Variants in CP observed in about 807,000 individuals in gnomAD.
CP encodes the protein ceruloplasmin.
Under a neutral mutation model 122.4 loss-of-function variants are expected in CP, and 64 were observed. The ratio of observed to expected loss-of-function variants is 0.52; its 90% confidence interval spans 0.43 to 0.64. CP has a LOEUF of 0.64. CP is among the 30% of genes least tolerant of loss of function. The probability of loss-of-function intolerance (pLI) is 0.00; values close to 1 mark genes in which losing one functional copy is unlikely to be tolerated. For missense variants in CP, 1,167 were observed against 1,284.4 expected (o/e 0.91, Z 1.40); for synonymous variants, 440 against 436.4 (o/e 1.01, Z -0.10).
rs766376910 is a variant in CP at position 149,199,802 on chromosome 3, A to G, written c.1411T>C (p.Tyr471His). Reference protein sequence around the residue: ...IRVTFHNKGAYPLSIEPIGVR... With the variant: ...IRVTFHNKGAHPLSIEPIGVR... ...CCAATCGGCTCAATACTGAGGGGAT[A>G]TGCTCCTTTGTTATGGAAGGTTACT... Residue 471 changes from tyrosine (Y) to histidine (H), a missense_variant, in exon 8 of 19, where the codon TAT (tyrosine) becomes CAT (histidine). Physicochemically the swap from Tyr to His is moderately conservative, Grantham distance 83. Around this residue, in one of 2 missense-constraint regions of CP, gnomAD observed 642 missense variants for 627.3 expected, o/e 1.02. Coordinates refer to ENST00000264613, the MANE Select transcript of CP (RefSeq NM_000096.4). 6.2e-6 allele frequency: 10 copies of G among 1,613,990 alleles called. No individual in the cohort carries two copies. The highest frequency in any genetic ancestry group is 6.8e-6 in the Non-Finnish European group (8 of 1,179,960).
rs9857073 is a variant in CP, at chr3:149,191,167, T to C, written c.1714-2965A>G. Among the ~76,000 whole-genome samples the C allele has an allele frequency of 4.6e-3, 708 of 152,280 alleles. 5 individuals are homozygous for C. Among genetic ancestry groups the C allele is most frequent in the Non-Finnish European group, 7.5e-3 (507 of 68,010 alleles). ...TCAGATCTTTGCAAGGCTGCCTTTT[T>C]GAAATTTAGGTATCACATTAAATAT... On this transcript the variant is annotated intron_variant, in intron 9 of 18. Transcript: ENST00000264613.
chr3:149,167,212 C>T, intron 4 of CP: 1 of 1,613,486 alleles, frequency 6.2e-7, no homozygotes, highest in Non-Finnish European at 8.5e-7. Flanking sequence ...ATTCCATATG[C>T]TAATCATGAA....
At chr3:149,216,808 G>T (rs1728485715) in intron 1 of CP, among the ~76,000 whole-genome samples, 1 of 151,958 alleles carries the variant, frequency 6.6e-6, no homozygotes, top group Non-Finnish European at 1.5e-5. Flanking sequence ...ATGGAATTTG[G>T]TCAGTGTGAA....
At chr3:149,168,588 A>G (rs891705262), downstream of CP, 1 of 152,318 alleles carries the variant, frequency 6.6e-6, no homozygotes, top group African/African-American at 2.4e-5. Flanking sequence ...AGAAATTGAC[A>G]GTGTTGAAAT....
At chr3:149,219,592 C>A (rs1392704294) in intron 1 of CP, among the ~76,000 whole-genome samples, 1 of 152,128 alleles carries the variant, frequency 6.6e-6, no homozygotes, top group Non-Finnish European at 1.5e-5. Flanking sequence ...GTGAGGCCTT[C>A]CCAGCCATGT....
In CP at chr3:149,206,160, T is replaced by G; in HGVS notation, c.1208+8A>C. ...ATTTTGAAATAGTACTCTTTTTTTGTAAATTACCTTCCAGGTGCTGTTAAG... is the reference window on the plus strand; with the variant it reads ...ATTTTGAAATAGTACTCTTTTTTTGGAAATTACCTTCCAGGTGCTGTTAAG... On this transcript the variant is annotated splice_region_variant and intron_variant, in intron 6 of 18. Transcript: ENST00000264613. 4.3e-6 allele frequency: 7 copies of G among 1,613,232 alleles called. No homozygotes were observed. The highest frequency in any genetic ancestry group is 5.9e-6 in the Non-Finnish European group (7 of 1,179,290).
intron 3 of CP, among the ~76,000 whole-genome samples, chr3:149,209,859 G>C (rs1480075744): frequency 2.0e-5 from 3 of 152,130 alleles, no homozygotes; most frequent in Non-Finnish European, 4.4e-5. Context: ...CCTTTTGGTA[G>C]TCACATTTGG....
chr3:149,167,145 T>C, intron 4 of CP: 2 of 1,613,928 alleles, frequency 1.2e-6, no homozygotes, highest in South Asian at 1.1e-5. Flanking sequence ...TCGTACACGC[T>C]TGAAAGAGTA....
chr3:149,199,454 A>G (rs1280167039), intron 8 of CP, among the ~76,000 whole-genome samples: 1 of 152,246 alleles, frequency 6.6e-6, no homozygotes, highest in East Asian at 1.9e-4. Flanking sequence ...AAGGTACTCC[A>G]GAAATGTATA....
chr3:149,206,371 T>A, intron 5 of CP, 32 bp from the exon 6 acceptor site: 1 of 1,612,592 alleles, frequency 6.2e-7, no homozygotes. Flanking sequence ...CATTGATTAA[T>A]GAAGACAATG....
At position 149,209,288 on chromosome 3, in the gene CP, T is replaced by C. The variant is rs1336508383; in HGVS notation, c.704A>G (p.Asn235Ser). ...TGGTTCTGAGCAGTAGGTTTTAATG[T>C]TGTCTTCTAGGTACCAGCTGAAATT... ...DENFSWYLEDNIKTYCSEPEK... is the reference protein window; with the variant it reads ...DENFSWYLEDSIKTYCSEPEK... Residue 235 changes from asparagine (N) to serine (S), a missense_variant, in exon 4 of 19, where the codon AAC (asparagine) becomes AGC (serine). Physicochemically the swap from Asn to Ser is conservative, Grantham distance 46. Transcript: ENST00000264613. 18 of 1,613,850 alleles carry C rather than the reference T, an allele frequency of 1.1e-5. No homozygotes were observed. Among genetic ancestry groups the C allele is most frequent in the South Asian group, 5.5e-5 (5 of 91,060 alleles).
chr3:149,163,676 T>C (rs1208336666), intron 5 of CP, among the ~76,000 whole-genome samples: 2 of 152,168 alleles, frequency 1.3e-5, no homozygotes, highest in Non-Finnish European at 2.9e-5. Context: ...GACTGAAATA[T>C]TTTCCAGGGG....
At chr3:149,202,616 T>TC (rs1337934112) in intron 6 of CP, among the ~76,000 whole-genome samples, 2 of 146,550 alleles carry the variant, frequency 1.4e-5, no homozygotes, top group East Asian at 3.9e-4. Flanking sequence ...TTTTTTTTTT[T>TC]TTTTTTTTTT....
Position 149,202,208 on chromosome 3 carries a change from T to C in CP, c.1242A>G (p.Thr414=). The C allele has an allele frequency of 6.2e-7, 1 of 1,614,172 alleles. No homozygotes were observed. The highest frequency in any genetic ancestry group is 8.5e-7 in the Non-Finnish European group (1 of 1,180,020). ...DSAVFFEQGT[T]RIGGSYKKLV... ...GCTTTTTATAAGAGCCTCCAATTCTTGTGGTACCTTGTTCAAAAAACACCG... is the reference window on the plus strand; with the variant it reads ...GCTTTTTATAAGAGCCTCCAATTCTCGTGGTACCTTGTTCAAAAAACACCG... The change falls in exon 7 of 19, where the codon ACA becomes ACG. Residue 414 remains threonine (T), a synonymous_variant. Transcript: ENST00000264613.
intron 7 of CP, 110 bp from the exon 8 acceptor site, chr3:149,199,974 A>G: frequency 8.8e-7 from 1 of 1,136,182 alleles, no homozygotes; most frequent in Non-Finnish European, 1.3e-6. Context: ...TAGGAGCAAC[A>G]CGCTTATTTG....
At chr3:149,182,428 C>A (rs1400198318) in intron 13 of CP, among the ~76,000 whole-genome samples, 1 of 152,266 alleles carries the variant, frequency 6.6e-6, no homozygotes, top group Non-Finnish European at 1.5e-5. Context: ...CCTCTCATTT[C>A]TACCCTTTAT....
chr3:149,181,974 GCACCAC>G, intron 14 of CP, 25 bp downstream of exon 14: 7 of 1,356,688 alleles, frequency 5.2e-6, no homozygotes, highest in African/African-American at 1.5e-5. Flanking sequence ...CTGTTAAAAT[GCACCAC>G]CCCCACCCCC....
rs1559932371 is a variant in CP at position 149,173,639 on chromosome 3, A to G, written c.*75T>C. The G allele has an allele frequency of 1.1e-5, 11 of 967,364 alleles. No homozygotes were observed. Among genetic ancestry groups the G allele is most frequent in the Non-Finnish European group, 1.8e-5 (11 of 628,566 alleles). The allele number at this position is 967,364 out of a possible 1,614,324, so 59.9% of individuals were successfully genotyped here. A position where few individuals can be genotyped will look rare whatever the true frequency, so the allele number is the denominator to read the frequency against. On this transcript the variant is annotated 3_prime_UTR_variant, in exon 19 of 19. Coordinates refer to ENST00000264613, the MANE Select transcript of CP (RefSeq NM_000096.4). ...TATAGTCATTCCAAAGTAACATTCT[A>G]TTTTACACTTTCACATACATTGTTA...
At chr3:149,217,372 G>A (rs1460842736) in intron 1 of CP, among the ~76,000 whole-genome samples, 2 of 152,156 alleles carry the variant, frequency 1.3e-5, no homozygotes, top group East Asian at 1.9e-4. Context: ...GACAACATCA[G>A]CGCCTTGGGT....
Sources: gnomAD v4.1 joint callset for allele counts (sites outside exome capture counted in the v4.1 genomes callset) on GRCh38, gnomAD v4.1.1 for gene constraint, gnomAD v4.1.1 regional missense constraint, MANE v1.5 for transcripts, NCBI Gene and HGNC (gene_info 2026-07-23, HGNC 2026-07-21) for gene names.